The following SRL variants were observed in gnomAD, a reference collection of about 807,000 sequenced individuals.
The protein encoded by SRL is sarcalumenin.
SRL carries 23 observed loss-of-function variants against 39.5 expected under a neutral mutation model. The ratio of observed to expected loss-of-function variants is 0.58; its 90% CI spans 0.42 to 0.82. The LOEUF (loss-of-function observed/expected upper bound fraction) is 0.82, where lower values mean the gene tolerates loss of function less well. Ranked by LOEUF, SRL falls within the 40% of genes least tolerant of loss-of-function variation. The pLI, the probability that SRL is intolerant of heterozygous loss-of-function variation, is 0.00. For missense variants in SRL, 592 were observed against 607.8 expected (o/e 0.97, Z 0.27); for synonymous variants, 272 against 237.4 (o/e 1.15, Z -1.34).
At chr16:4,211,001 C>T (rs2052385580) in intron 1 of SRL, among the ~76,000 whole-genome samples, 1 of 151,960 alleles carries the variant, frequency 6.6e-6, no homozygotes, top group Non-Finnish European at 1.5e-5. Flanking sequence ...GTGCACATTA[C>T]AGTCTGAGAA....
intron 3 of SRL, among the ~76,000 whole-genome samples, 160 bp downstream of exon 3, chr16:4,203,006 G>T (rs1262386885): frequency 6.6e-6 from 1 of 152,210 alleles, no homozygotes; most frequent in Non-Finnish European, 1.5e-5. Context: ...CTCCCAGGGG[G>T]AGCCCAGACC....
At chr16:4,204,206 A>T (rs960073948) in intron 2 of SRL, among the ~76,000 whole-genome samples, 2 of 152,200 alleles carry the variant, frequency 1.3e-5, no homozygotes, top group African/African-American at 4.8e-5. Flanking sequence ...TAAACTAAAA[A>T]TCACAGCGAG....
chr16:4,214,935 T>C (rs2052439243), intron 1 of SRL, among the ~76,000 whole-genome samples: 1 of 152,028 alleles, frequency 6.6e-6, no homozygotes, highest in African/African-American at 2.4e-5. Context: ...TCCTGGCTAA[T>C]TTTTGTATTT....
At chr16:4,239,793 A>G (rs1164178842) in intron 1 of SRL, 1 of 152,266 alleles carries the variant, frequency 6.6e-6, no homozygotes, top group African/African-American at 2.4e-5. Context: ...CCTTCCCTGG[A>G]TGGTGGGGAG....
intron 1 of SRL, among the ~76,000 whole-genome samples, chr16:4,236,864 C>T (rs976443057): frequency 2.0e-5 from 3 of 151,868 alleles, no homozygotes; most frequent in Non-Finnish European, 4.4e-5. Flanking sequence ...AGGCTGGTCT[C>T]GAACTCCTGA....
intron 1 of SRL, among the ~76,000 whole-genome samples, chr16:4,228,998 A>G (rs1205733683): frequency 6.6e-6 from 1 of 152,174 alleles, no homozygotes; most frequent in African/African-American, 2.4e-5. Flanking sequence ...ACTTCTCAGC[A>G]ACATTCAAGA....
At position 4,192,142 on chromosome 16, in the gene SRL, C is replaced by T. The variant is rs1484057905; in HGVS notation, c.*11G>A. The T allele has an allele frequency of 1.4e-5, 21 of 1,533,572 alleles. No individual in the cohort carries two copies. Among genetic ancestry groups the T allele is most frequent in the South Asian group, 2.6e-5 (2 of 75,870 alleles). 95.0% of individuals were successfully genotyped at this position (1,533,572 alleles called of 1,614,324 possible). On this transcript the variant is annotated 3_prime_UTR_variant, in exon 6 of 6. Transcript: ENST00000399609. This position sits in a 1 kb window ranked among gnomAD's most constrained non-coding sequence, Gnocchi z 4.0. ...GATTCACCAACAGGAACCCAAGGAC[C>T]GCTCCACCACCTAGTGCTTCCTGTA... is the stretch of plus-strand genomic sequence containing the variant.
At chr16:4,228,226 C>CA (rs2052613606) in intron 1 of SRL, among the ~76,000 whole-genome samples, 1 of 151,940 alleles carries the variant, frequency 6.6e-6, no homozygotes, top group African/African-American at 2.4e-5. Context: ...ATCACGAGGT[C>CA]AGGAGTTCAA....
At position 4,190,660 on chromosome 16, in the gene SRL, C is replaced by T. The variant is rs932924426; in HGVS notation, c.*1493G>A. 2 of 396,016 alleles carry T rather than the reference C, an allele frequency of 5.1e-6. No homozygotes were observed. The highest frequency in any genetic ancestry group is 8.9e-6 in the Non-Finnish European group (2 of 224,780). 24.5% of individuals were successfully genotyped at this position (396,016 alleles called of 1,614,324 possible). On this transcript the variant is annotated 3_prime_UTR_variant, in exon 6 of 6. Coordinates refer to ENST00000399609, the MANE Select transcript of SRL (RefSeq NM_001098814.2). Reference sequence around the variant, plus strand: ...CTCTTGGACAACATACACACATATTCACACTTATTGGTATTGAAGGCCCTG... The same window carrying T: ...CTCTTGGACAACATACACACATATTTACACTTATTGGTATTGAAGGCCCTG...
intron 3 of SRL, among the ~76,000 whole-genome samples, chr16:4,201,913 T>C (rs113179608): frequency 0.22 from 33,783 of 150,206 alleles, 4,823 homozygotes; most frequent in African/African-American, 0.38. Context: ...CTTGGCCTCC[T>C]AAAGTGCTGG....
At chr16:4,209,881 G>A (rs900137710) in intron 1 of SRL, among the ~76,000 whole-genome samples, 13 of 152,114 alleles carry the variant, frequency 8.5e-5, no homozygotes, top group South Asian at 2.1e-4. Context: ...ATGGGTGACC[G>A]GAACCCAGAA....
intron 1 of SRL, among the ~76,000 whole-genome samples, chr16:4,209,825 C>T (rs909421110): frequency 6.6e-6 from 1 of 152,178 alleles, no homozygotes; most frequent in Admixed American, 6.5e-5. Flanking sequence ...AAGTGAAAGT[C>T]CAGAGATCTT....
rs771899593 is a variant in SRL, at chr16:4,192,566, C to A, written c.1009G>T (p.Ala337Ser). The change falls in exon 6 of 6, where the codon GCC (alanine) becomes TCC (serine). Residue 337 changes from alanine (A) to serine (S), a missense_variant. Ala to Ser is a moderately conservative substitution (Grantham distance 99). Coordinates refer to ENST00000399609, the MANE Select transcript of SRL (RefSeq NM_001098814.2). This position sits in a 1 kb window ranked among gnomAD's most constrained non-coding sequence, Gnocchi z 4.0. ...ENKIAFIRQH[A>S]IRVRIHALLV... is the part of the protein sequence containing the mutation. ...AGGGCGTGGATGCGGACCCGGATGGCGTGCTGGCGGATGAAGGCAATCTTG... is the reference window on the plus strand; with the variant it reads ...AGGGCGTGGATGCGGACCCGGATGGAGTGCTGGCGGATGAAGGCAATCTTG... 1 of 1,614,180 alleles carries A rather than the reference C, an allele frequency of 6.2e-7. No individual in the cohort carries two copies. The highest frequency in any genetic ancestry group is 8.5e-7 in the Non-Finnish European group (1 of 1,180,038).
At chr16:4,235,092 CA>C (rs1314262290) in intron 1 of SRL, among the ~76,000 whole-genome samples, 2 of 152,154 alleles carry the variant, frequency 1.3e-5, no homozygotes, top group African/African-American at 4.8e-5. Flanking sequence ...AGCAGGGGCC[CA>C]GCCTGAGTAG....
chr16:4,231,373 G>A (rs1418702382), intron 1 of SRL, among the ~76,000 whole-genome samples: 1 of 152,100 alleles, frequency 6.6e-6, no homozygotes, highest in Non-Finnish European at 1.5e-5. Context: ...TGTTACCGTG[G>A]TCCCAGGAAG....
At chr16:4,218,430 G>T (rs1435471461) in intron 1 of SRL, among the ~76,000 whole-genome samples, 1 of 152,190 alleles carries the variant, frequency 6.6e-6, no homozygotes, top group Non-Finnish European at 1.5e-5. Flanking sequence ...TGGTAAGTGA[G>T]CACTGGGAGT....
At chr16:4,211,068 C>T (rs1456798975) in intron 1 of SRL, among the ~76,000 whole-genome samples, 1 of 152,108 alleles carries the variant, frequency 6.6e-6, no homozygotes, top group African/African-American at 2.4e-5. Flanking sequence ...TCAGCATTGG[C>T]TGCATATTGA....
intron 1 of SRL, among the ~76,000 whole-genome samples, chr16:4,240,494 G>C (rs765874695): frequency 6.6e-6 from 1 of 152,150 alleles, no homozygotes; most frequent in Non-Finnish European, 1.5e-5. Flanking sequence ...CAGGGACAGA[G>C]GGAAGCTTTA....
intron 5 of SRL, 71 bp from the exon 6 acceptor site, chr16:4,193,035 C>T (rs2052090054): frequency 7.5e-7 from 1 of 1,331,320 alleles, no homozygotes; most frequent in Non-Finnish European, 1.0e-6. Context: ...CCTTTCAGAA[C>T]TAAACCATTC....
Sources: allele counts gnomAD v4.1 joint callset (sites outside exome capture counted in the v4.1 genomes callset), GRCh38; gene constraint gnomAD v4.1.1; non-coding constraint Gnocchi (gnomAD v3.1); transcripts MANE v1.5; gene names NCBI Gene and HGNC (gene_info 2026-07-23, HGNC 2026-07-21).